Variants in TCERG1 observed in about 807,000 individuals in gnomAD.
TCERG1 encodes transcription elongation regulator 1.
In TCERG1, 37 loss-of-function variants were observed where a neutral mutation model predicts 144.7. The ratio of observed to expected loss-of-function variants is 0.26; its 90% CI spans 0.20 to 0.34. The LOEUF (loss-of-function observed/expected upper bound fraction) is 0.34. Among genes scored for constraint, TCERG1 ranks in the 10% least tolerant of loss-of-function variants. TCERG1 has a pLI of 1.00. For synonymous variants in TCERG1, 492 were observed against 458.2 expected (o/e 1.07, Z -0.94); for missense variants, 1,027 against 1,380.7 (o/e 0.74, Z 4.06).
chr5:146,447,885 C>T (rs766346330), intron 1 of TCERG1, among the ~76,000 whole-genome samples: 1 of 152,276 alleles, frequency 6.6e-6, no homozygotes, highest in Non-Finnish European at 1.5e-5. Context: ...GGGCTCCCCA[C>T]GTTTGCCCTT....
Position 146,459,177 on chromosome 5 carries a change from G to C in TCERG1, c.732G>C (p.Gln244His). Residue 244 changes from glutamine to histidine, a missense_variant, in exon 4 of 23, where the codon CAG (glutamine) becomes CAC (histidine). By Grantham distance (24) the Gln-to-His change is conservative. Coordinates refer to ENST00000679501, the MANE Select transcript of TCERG1 (RefSeq NM_001382548.1). ...QAQAQAQAQVQAQVQAQVQAQ... is the reference protein window; with the variant it reads ...QAQAQAQAQVHAQVQAQVQAQ... ...AGGCCCAGGCCCAGGCTCAGGTCCA[G>C]GCCCAGGTCCAGGCACAAGTGCAAG... The C allele has an allele frequency of 6.2e-7, 1 of 1,613,928 alleles. No individual in the cohort carries two copies. Among genetic ancestry groups the C allele is most frequent in the Non-Finnish European group, 8.5e-7 (1 of 1,179,904 alleles).
At position 146,507,909 on chromosome 5, in the gene TCERG1, A is replaced by G. The variant is rs1768152488; in HGVS notation, c.2998A>G (p.Ile1000Val). 1 of 1,611,610 alleles carries G rather than the reference A, an allele frequency of 6.2e-7. No individual in the cohort carries two copies. The highest frequency in any genetic ancestry group is 8.5e-7 in the Non-Finnish European group (1 of 1,178,964). The change falls in exon 21 of 23, where the codon ATC (isoleucine) becomes GTC (valine). Residue 1000 changes from isoleucine (I) to valine (V), a missense_variant. Physicochemically the swap from Ile to Val is conservative, Grantham distance 29. This residue lies in a region of TCERG1 where 133 missense variants were observed against 283.2 expected (regional missense o/e 0.47). Coordinates refer to ENST00000679501, the MANE Select transcript of TCERG1 (RefSeq NM_001382548.1). The surrounding 1 kb of genome is among the most constrained non-coding windows in gnomAD (Gnocchi z 4.6). The part of the protein sequence containing the change: ...LTSTWKEVKK[I>V]IKEDPRCIKF... ...ATCCACGTGGAAAGAAGTAAAAAAAATCATTAAGGAAGATCCTCGATGTAT... is the reference window on the plus strand; with the variant it reads ...ATCCACGTGGAAAGAAGTAAAAAAAGTCATTAAGGAAGATCCTCGATGTAT...
At chr5:146,503,276 T>C in intron 17 of TCERG1, 99 bp from the exon 18 acceptor site, 1 of 1,079,784 alleles carries the variant, frequency 9.3e-7, no homozygotes, top group East Asian at 2.5e-5. Flanking sequence ...ATATTTAAGG[T>C]AGGTGAACTT....
At chr5:146,460,977 A>G (rs917031519) in intron 4 of TCERG1, among the ~76,000 whole-genome samples, 3 of 152,164 alleles carry the variant, frequency 2.0e-5, no homozygotes, top group African/African-American at 4.8e-5. Flanking sequence ...AATAAAAGCA[A>G]TGTAGTTTTA....
chr5:146,452,126 A>G (rs1337778307), intron 1 of TCERG1, among the ~76,000 whole-genome samples: 1 of 152,180 alleles, frequency 6.6e-6, no homozygotes, highest in Non-Finnish European at 1.5e-5. Flanking sequence ...GGTGTGTGTC[A>G]GAATTGAACG....
chr5:146,501,725 T>TA (rs1767467634), intron 17 of TCERG1, among the ~76,000 whole-genome samples: 1 of 152,164 alleles, frequency 6.6e-6, no homozygotes, highest in African/African-American at 2.4e-5. Context: ...TGTCTGGAAA[T>TA]ACTGGGTTTA....
In TCERG1 at chr5:146,470,652, GATTAAAGAGCCA is replaced by G; in HGVS notation, c.1425_1436del (p.Ile477_Pro480del). ...TTTTCATAGAAAAGTTAGAAGAGAA[GATTAAAGAGCCA>G]ATTAAAGAACCCTCTGAAGAGCCTC... On this transcript the variant is annotated inframe_deletion, in exon 8 of 23. Transcript: ENST00000679501. 1 of 1,605,454 alleles carries G rather than the reference GATTAAAGAGCCA, an allele frequency of 6.2e-7. No homozygotes were observed. The highest frequency in any genetic ancestry group is 8.5e-7 in the Non-Finnish European group (1 of 1,177,960).
At chr5:146,451,775 T>TC (rs1445578926) in intron 1 of TCERG1, among the ~76,000 whole-genome samples, 1 of 145,022 alleles carries the variant, frequency 6.9e-6, no homozygotes, top group Non-Finnish European at 1.5e-5. Context: ...GCAAATTAGT[T>TC]TTTTTTTTTT....
At chr5:146,487,917 A>G (rs946920379) in intron 15 of TCERG1, among the ~76,000 whole-genome samples, 2 of 152,162 alleles carry the variant, frequency 1.3e-5, no homozygotes, top group African/African-American at 4.8e-5. Flanking sequence ...AGACCAAAGG[A>G]ACAGAATAGG....
intron 16 of TCERG1, among the ~76,000 whole-genome samples, chr5:146,496,396 A>T (rs988528170): frequency 2.0e-5 from 3 of 152,064 alleles, no homozygotes; most frequent in Non-Finnish European, 4.4e-5. Context: ...ATATTATCTT[A>T]CATGTCCCTG....
At chr5:146,457,408 A>G in intron 3 of TCERG1, 73 bp downstream of exon 3, 1 of 1,401,014 alleles carries the variant, frequency 7.1e-7, no homozygotes, top group South Asian at 1.4e-5. Flanking sequence ...TGGCAGATTG[A>G]GGTCAGTGAT....
At chr5:146,463,180 T>C (rs1049046865) in intron 4 of TCERG1, among the ~76,000 whole-genome samples, 1 of 152,216 alleles carries the variant, frequency 6.6e-6, no homozygotes, top group Non-Finnish European at 1.5e-5. Flanking sequence ...CTTTACTCTT[T>C]GCCTTATTCA....
intron 9 of TCERG1, among the ~76,000 whole-genome samples, chr5:146,477,851 A>G (rs1764998996): frequency 6.6e-6 from 1 of 151,628 alleles, no homozygotes; most frequent in Admixed American, 6.6e-5. Context: ...TCGTGCAATC[A>G]CATCCAGCTA....
intron 15 of TCERG1, among the ~76,000 whole-genome samples, chr5:146,491,875 T>A (rs760742998): frequency 1.1e-4 from 17 of 152,350 alleles, no homozygotes; most frequent in Non-Finnish European, 2.4e-4. Flanking sequence ...AGCATGGCTG[T>A]TCAGTTAAAG....
Position 146,471,506 on chromosome 5 carries a change from A to G in TCERG1, c.1531A>G (p.Met511Val). 6.2e-7 allele frequency: 1 copy of G among 1,613,634 alleles called. No individual in the cohort carries two copies. The highest frequency in any genetic ancestry group is 1.1e-5 in the South Asian group (1 of 90,966). Residue 511 changes from methionine (M) to valine (V), a missense_variant, in exon 9 of 23, where the codon ATG becomes GTG. Met to Val is a conservative substitution (Grantham distance 21). Coordinates refer to ENST00000679501, the MANE Select transcript of TCERG1 (RefSeq NM_001382548.1). ...EIKEEPKEEE[M>V]TEEEKAAQKA... The stretch of plus-strand genomic sequence containing the variant: ...CTTGTAGGAGCCCAAAGAAGAGGAG[A>G]TGACTGAAGAAGAAAAGGCTGCCCA...
At chr5:146,510,397 TG>T in intron 22 of TCERG1, 43 bp from the exon 23 acceptor site, 1 of 1,408,806 alleles carries the variant, frequency 7.1e-7, no homozygotes, top group Non-Finnish European at 1.0e-6. Context: ...GAAAGACCTG[TG>T]AACAGCAGTC....
intron 13 of TCERG1, 189 bp downstream of exon 13, chr5:146,481,389 TAA>T: frequency 1.2e-5 from 2 of 168,778 alleles, no homozygotes; most frequent in Non-Finnish European, 2.4e-5. Flanking sequence ...ATTATTATTA[TAA>T]GAGGGTATAT....
intron 1 of TCERG1, among the ~76,000 whole-genome samples, chr5:146,448,806 A>G (rs138023455): frequency 8.5e-5 from 13 of 152,364 alleles, no homozygotes; most frequent in African/African-American, 3.1e-4. Flanking sequence ...ATCTTTAAAT[A>G]TTAGCGATGC....
At chr5:146,500,326 G>A (rs1767310361) in intron 17 of TCERG1, among the ~76,000 whole-genome samples, 1 of 151,968 alleles carries the variant, frequency 6.6e-6, no homozygotes, top group African/African-American at 2.4e-5. Context: ...AGCACATTTG[G>A]TTAAGGGGCT....
Sources: gnomAD v4.1 joint callset for allele counts (sites outside exome capture counted in the v4.1 genomes callset) on GRCh38, gnomAD v4.1.1 for gene constraint, gnomAD v4.1.1 regional missense constraint, Gnocchi (gnomAD v3.1) non-coding constraint, MANE v1.5 for transcripts, NCBI Gene and HGNC (gene_info 2026-07-23, HGNC 2026-07-21) for gene names.